The following MID2 variants were observed in gnomAD, a reference collection of about 807,000 sequenced individuals.
The protein encoded by MID2 is midline 2.
In MID2, 13 loss-of-function variants were observed where a neutral mutation model predicts 46.1. The observed-to-expected ratio is 0.28, with a 90% confidence interval of 0.18 to 0.45. The LOEUF (loss-of-function observed/expected upper bound fraction) is 0.45. Ranked by LOEUF, MID2 falls within the 20% of genes least tolerant of loss-of-function variation. MID2 has a pLI of 1.00. For synonymous variants in MID2, 199 were observed against 212.3 expected, an observed-to-expected ratio of 0.94 and a Z score of 0.55; for missense variants, 431 against 575.4, an observed-to-expected ratio of 0.75 and a Z score of 2.57.
intron 5 of MID2, among the ~76,000 whole-genome samples, chrX:107,907,764 G>A (rs1305151709): frequency 3.6e-5 from 4 of 111,926 alleles, no homozygotes; most frequent in African/African-American, 1.3e-4. Context: ...TATTTAAAAT[G>A]TATTTATATC....
chrX:107,878,574 G>A (rs1288635458), intron 3 of MID2, among the ~76,000 whole-genome samples: 3 of 112,453 alleles, frequency 2.7e-5, no homozygotes, highest in Non-Finnish European at 5.6e-5. Flanking sequence ...AGAAAAATCT[G>A]AGCATCTTGG....
At chrX:107,831,509 G>A (rs1281416933) in intron 1 of MID2, among the ~76,000 whole-genome samples, 1 of 111,978 alleles carries the variant, frequency 8.9e-6, no homozygotes, top group Non-Finnish European at 1.9e-5. Context: ...AATGGTTTAC[G>A]ATCCAGATCC....
At chrX:107,855,566 G>T (rs1396657749) in intron 3 of MID2, among the ~76,000 whole-genome samples, 1 of 111,717 alleles carries the variant, frequency 9.0e-6, no homozygotes, top group Non-Finnish European at 1.9e-5. Context: ...TGATAGTCTG[G>T]TTCTAATCTT....
intron 3 of MID2, among the ~76,000 whole-genome samples, chrX:107,883,699 C>T (rs1932382556): frequency 8.9e-6 from 1 of 112,374 alleles, no homozygotes; most frequent in Non-Finnish European, 1.9e-5. Context: ...CCCAATTTAT[C>T]TTCCTTTTCA....
intron 3 of MID2, among the ~76,000 whole-genome samples, chrX:107,862,266 G>T (rs1931875436): frequency 9.0e-6 from 1 of 111,600 alleles, no homozygotes; most frequent in African/African-American, 3.3e-5. Flanking sequence ...TACACATTTT[G>T]CCAGAGATTC....
intron 3 of MID2, among the ~76,000 whole-genome samples, chrX:107,876,278 C>T (rs935472632): frequency 8.1e-5 from 9 of 111,395 alleles, no homozygotes; most frequent in African/African-American, 2.9e-4. Flanking sequence ...AGGAGATTCA[C>T]TAAAGTACTA....
intron 5 of MID2, among the ~76,000 whole-genome samples, chrX:107,912,753 ATAG>A (rs1327182083): frequency 9.0e-6 from 1 of 111,036 alleles, no homozygotes; most frequent in Non-Finnish European, 1.9e-5. Flanking sequence ...TCTTCTTTGC[ATAG>A]GCTCAGGTAT....
At chrX:107,828,316 T>C (rs948761412) in intron 1 of MID2, among the ~76,000 whole-genome samples, 3 of 101,346 alleles carry the variant, frequency 3.0e-5, no homozygotes, top group Non-Finnish European at 4.0e-5. Context: ...TTTTCTTTTT[T>C]TTTTTTTTTT....
chrX:107,877,094 T>C (rs1226561074), intron 3 of MID2, among the ~76,000 whole-genome samples: 1 of 111,949 alleles, frequency 8.9e-6, no homozygotes, highest in Non-Finnish European at 1.9e-5. Flanking sequence ...ACTTGCAGCC[T>C]TCCCTGAGAT....
intron 7 of MID2, among the ~76,000 whole-genome samples, chrX:107,919,216 A>G (rs1339079274): frequency 2.7e-5 from 3 of 111,753 alleles, no homozygotes; most frequent in Non-Finnish European, 5.6e-5. Flanking sequence ...TGCCATTTAC[A>G]AATGCTCCCA....
At chrX:107,860,427 T>A (rs1299341612) in intron 3 of MID2, among the ~76,000 whole-genome samples, 1 of 111,658 alleles carries the variant, frequency 9.0e-6, no homozygotes, top group Non-Finnish European at 1.9e-5. Flanking sequence ...TAGCTGGATT[T>A]AGAGGTCAAG....
intron 5 of MID2, among the ~76,000 whole-genome samples, chrX:107,908,330 C>T (rs186479744): frequency 6.2e-4 from 69 of 111,806 alleles, no homozygotes; most frequent in Admixed American, 1.5e-3. Flanking sequence ...GTATATTTGG[C>T]TGTCTGAAAT....
Position 107,929,905 on chromosome X carries a change from G to A in MID2, c.*2832G>A, listed in dbSNP as rs375810665. Among the ~76,000 whole-genome samples, 2 of 111,534 alleles carry A rather than the reference G, an allele frequency of 1.8e-5. No individual in the cohort carries two copies. The highest frequency in any genetic ancestry group is 3.3e-5 in the African/African-American group (1 of 30,693). Reference sequence around the variant, plus strand: ...TTTTTCAAAGTGTGGTCCTCACACCGCCTGTGTTAGAATCACCTTTAGTGT... The same window carrying A: ...TTTTTCAAAGTGTGGTCCTCACACCACCTGTGTTAGAATCACCTTTAGTGT... On this transcript the variant is annotated 3_prime_UTR_variant, in exon 10 of 10. Coordinates refer to ENST00000262843, the MANE Select transcript of MID2 (RefSeq NM_012216.4).
chrX:107,843,484 G>A (rs1285443302), intron 2 of MID2, among the ~76,000 whole-genome samples: 2 of 112,109 alleles, frequency 1.8e-5, no homozygotes, highest in East Asian at 5.6e-4. Context: ...GCCAGATTTT[G>A]AATAGTTCCC....
At chrX:107,905,796 C>T (rs771123744) in intron 5 of MID2, among the ~76,000 whole-genome samples, 170 bp downstream of exon 5, 1 of 112,187 alleles carries the variant, frequency 8.9e-6, no homozygotes, top group African/African-American at 3.2e-5. Context: ...ACCCTTGTCT[C>T]TGTCTCTGCA....
At chrX:107,902,999 T>C (rs1932807009) in intron 3 of MID2, among the ~76,000 whole-genome samples, 1 of 111,781 alleles carries the variant, frequency 8.9e-6, no homozygotes, top group Non-Finnish European at 1.9e-5. Context: ...GTTTTACCAC[T>C]TACTAGTTGT....
At chrX:107,852,753 T>C (rs1460794044) in intron 2 of MID2, among the ~76,000 whole-genome samples, 2 of 111,655 alleles carry the variant, frequency 1.8e-5, no homozygotes, top group Non-Finnish European at 3.8e-5. Context: ...GCCAAAGATA[T>C]TAAGGAGCTA....
intron 4 of MID2, 61 bp from the exon 5 acceptor site, chrX:107,905,417 T>A (rs911318357): frequency 8.4e-6 from 8 of 955,226 alleles, no homozygotes; most frequent in African/African-American, 3.9e-5. Flanking sequence ...TTGTTTTTTA[T>A]TGTTTTTAAT....
intron 7 of MID2, among the ~76,000 whole-genome samples, chrX:107,923,856 T>A (rs1933117896): frequency 8.9e-6 from 1 of 112,046 alleles, no homozygotes; most frequent in South Asian, 3.7e-4. Context: ...AGGTCACTTT[T>A]CTTCTCTCAA....
Sources: allele counts gnomAD v4.1 joint callset (sites outside exome capture counted in the v4.1 genomes callset), GRCh38; gene constraint gnomAD v4.1.1; transcripts MANE v1.5; gene names NCBI Gene and HGNC (gene_info 2026-07-23, HGNC 2026-07-21).